The following DEPDC5 variants were observed in gnomAD, a reference collection of about 807,000 sequenced individuals.
DEPDC5 encodes DEP domain containing 5, GATOR1 subcomplex subunit.
A neutral mutation model predicts 217.3 loss-of-function variants in DEPDC5; 73 were observed. The observed-to-expected ratio is 0.34, with a 90% CI of 0.28 to 0.41. The LOEUF is 0.41. Ranked by LOEUF, DEPDC5 falls within the 10% of genes least tolerant of loss-of-function variation. DEPDC5 has a pLI of 1.00. For synonymous variants in DEPDC5, 733 were observed against 756.7 expected (o/e 0.97, Z 0.51); for missense variants, 1,675 against 2,070.1 (o/e 0.81, Z 3.70).
chr22:31,851,025 G>A (rs1341912128), intron 31 of DEPDC5, among the ~76,000 whole-genome samples: 1 of 147,982 alleles, frequency 6.8e-6, no homozygotes, highest in Admixed American at 6.9e-5. Context: ...CCGAGATTGC[G>A]CCACTGCACT....
intron 38 of DEPDC5, among the ~76,000 whole-genome samples, chr22:31,893,370 A>G (rs1348693676): frequency 1.3e-5 from 2 of 152,162 alleles, no homozygotes; most frequent in Admixed American, 1.3e-4. Flanking sequence ...TTGCAACAGA[A>G]ACCATATGTC....
At chr22:31,804,323 T>A in intron 16 of DEPDC5, 100 bp downstream of exon 16, 1 of 1,157,058 alleles carries the variant, frequency 8.6e-7, no homozygotes, top group Non-Finnish European at 1.3e-6. Context: ...TCCCACTTAC[T>A]CGAGAGGCTG....
intron 34 of DEPDC5, 31 bp downstream of exon 34, chr22:31,870,775 C>T: frequency 6.6e-7 from 1 of 1,506,342 alleles, no homozygotes; most frequent in Non-Finnish European, 8.9e-7. Flanking sequence ...ACTCATGTTC[C>T]TGGGGAGTGG....
At chr22:31,879,287 C>G (rs2149292606) in intron 37 of DEPDC5, among the ~76,000 whole-genome samples, 1 of 151,934 alleles carries the variant, frequency 6.6e-6, no homozygotes, top group African/African-American at 2.4e-5. Context: ...AACCCCATCC[C>G]CTTGAGGAGT....
intron 30 of DEPDC5, 60 bp downstream of exon 30, chr22:31,845,297 C>A (rs1244909656): frequency 6.4e-7 from 1 of 1,552,852 alleles, no homozygotes; most frequent in African/African-American, 1.4e-5. Context: ...CTGCCACCTC[C>A]TCTATTAGGG....
chr22:31,830,630 C>CGTGTGTGTGTGTGTGTGTGT (rs34078350), intron 24 of DEPDC5, among the ~76,000 whole-genome samples: 2 of 142,464 alleles, frequency 1.4e-5, no homozygotes, highest in Admixed American at 7.1e-5. Context: ...TATGCGTGTA[C>CGTGTGTGTGTGTGTGTGTGT]GTGTGTGTGT....
At chr22:31,764,870 G>C (rs947788513) in intron 4 of DEPDC5, 105 bp from the exon 5 acceptor site, 3 of 782,242 alleles carry the variant, frequency 3.8e-6, no homozygotes, top group Non-Finnish European at 6.6e-6. Flanking sequence ...GCCCGTGTCA[G>C]ATGATCAATT....
intron 33 of DEPDC5, among the ~76,000 whole-genome samples, chr22:31,865,690 T>G (rs1427285354): frequency 1.3e-5 from 2 of 152,134 alleles, no homozygotes; most frequent in Admixed American, 6.5e-5. Context: ...ATAAAATCCT[T>G]TATGAATATT....
At chr22:31,789,081 G>A (rs796082965) in intron 10 of DEPDC5, among the ~76,000 whole-genome samples, 3 of 151,928 alleles carry the variant, frequency 2.0e-5, no homozygotes, top group African/African-American at 7.2e-5. Context: ...ATTTTTAGTA[G>A]TGATGTGGTT....
chr22:31,842,439 G>C (rs1010951441), intron 27 of DEPDC5, among the ~76,000 whole-genome samples: 1 of 152,158 alleles, frequency 6.6e-6, no homozygotes, highest in Non-Finnish European at 1.5e-5. Flanking sequence ...GCCTGGGGTG[G>C]TGGAGCGTGC....
intron 21 of DEPDC5, 175 bp downstream of exon 21, chr22:31,815,387 T>A: frequency 3.8e-5 from 4 of 106,002 alleles, no homozygotes; most frequent in Non-Finnish European, 7.1e-5. Flanking sequence ...TTATACTTCT[T>A]TTTTTTTTTT....
At chr22:31,818,454 T>G (rs974071122) in intron 21 of DEPDC5, among the ~76,000 whole-genome samples, 1 of 152,112 alleles carries the variant, frequency 6.6e-6, no homozygotes, top group African/African-American at 2.4e-5. Flanking sequence ...TGCAGATCAT[T>G]TGTGGAGATC....
intron 20 of DEPDC5, among the ~76,000 whole-genome samples, chr22:31,812,286 C>T (rs557524436): frequency 7.9e-5 from 12 of 152,084 alleles, no homozygotes; most frequent in African/African-American, 2.4e-4. Flanking sequence ...CCACCGCACC[C>T]GGCCTCATCT....
At chr22:31,829,122 C>G (rs770393179) in intron 24 of DEPDC5, among the ~76,000 whole-genome samples, 3 of 152,160 alleles carry the variant, frequency 2.0e-5, no homozygotes, top group Non-Finnish European at 4.4e-5. Context: ...TCCCACAGAG[C>G]GGTTGTCTGG....
At chr22:31,889,983 C>A (rs189218871) in intron 38 of DEPDC5, among the ~76,000 whole-genome samples, 1 of 152,066 alleles carries the variant, frequency 6.6e-6, no homozygotes, top group Non-Finnish European at 1.5e-5. Context: ...TGTCCATGGG[C>A]GGCACAGACA....
In DEPDC5 at chr22:31,879,097, CATATATATACATATATATACACAT is replaced by C. The variant is rs1293334884; in HGVS notation, c.3806-409_3806-386del. Among the ~76,000 whole-genome samples, 602 of 128,802 alleles carry C rather than the reference CATATATATACATATATATACACAT, an allele frequency of 4.7e-3. 5 individuals are homozygous for C. The highest frequency in any genetic ancestry group is 5.5e-3 in the Non-Finnish European group (354 of 64,824). 84.5% of individuals were successfully genotyped at this position (128,802 alleles called of 152,430 possible). A position where few individuals can be genotyped will look rare whatever the true frequency, so the allele number is the denominator to read the frequency against. On this transcript the variant is annotated intron_variant, in intron 37 of 42. Transcript: ENST00000651528. ...ACACACACACGTATATATATATACACATATATATACATATATATACACATATATATATACATATATATTTTTAAT... is the reference window on the plus strand; with the variant it reads ...ACACACACACGTATATATATATACACATATATATACATATATATTTTTAAT...
At chr22:31,765,123 T>A in intron 5 of DEPDC5, 63 bp downstream of exon 5, 1 of 1,310,524 alleles carries the variant, frequency 7.6e-7, no homozygotes, top group Non-Finnish European at 1.1e-6. Flanking sequence ...AAGGTTAGAT[T>A]ACTAAGGAAA....
chr22:31,829,249 A>G (rs931969800), intron 24 of DEPDC5, among the ~76,000 whole-genome samples: 2 of 152,096 alleles, frequency 1.3e-5, no homozygotes, highest in African/African-American at 4.8e-5. Flanking sequence ...AAAATCAGAG[A>G]AGACTGGCGC....
At chr22:31,825,887 G>T (rs768043589) in intron 24 of DEPDC5, among the ~76,000 whole-genome samples, 1 of 152,172 alleles carries the variant, frequency 6.6e-6, no homozygotes, top group African/African-American at 2.4e-5. Context: ...TGGAAAGAGC[G>T]CAGGCTCCAG....
Sources: gnomAD v4.1 joint callset for allele counts (sites outside exome capture counted in the v4.1 genomes callset) on GRCh38, gnomAD v4.1.1 for gene constraint, MANE v1.5 for transcripts, NCBI Gene and HGNC (gene_info 2026-07-23, HGNC 2026-07-21) for gene names.